Variants in COPE observed in about 807,000 individuals in gnomAD.
The protein encoded by COPE is coatomer subunit epsilon.
A neutral mutation model predicts 42.1 loss-of-function variants in COPE; 19 were observed. The ratio of observed to expected loss-of-function variants is 0.45; its 90% CI spans 0.31 to 0.66. The LOEUF is 0.66. COPE is among the 30% of genes least tolerant of loss of function. The pLI is 0.05. For missense variants in COPE, 402 were observed against 416.1 expected (o/e 0.97, Z 0.30); for synonymous variants, 195 against 181.3 (o/e 1.08, Z -0.60).
chr19:18,904,281 T>C (rs929001010), intron 6 of COPE, among the ~76,000 whole-genome samples: 1 of 152,216 alleles, frequency 6.6e-6, no homozygotes, highest in Non-Finnish European at 1.5e-5. Context: ...CACATTTTAA[T>C]AGGCCCACAC....
chr19:18,905,826 G>T, intron 4 of COPE, 197 bp from the exon 5 acceptor site: 1 of 575,726 alleles, frequency 1.7e-6, no homozygotes. Flanking sequence ...GAGCTCTGGG[G>T]GAGGTACCCA....
At chr19:18,907,220 T>C (rs2145064983) in intron 3 of COPE, 108 bp from the exon 4 acceptor site, 3 of 1,243,396 alleles carry the variant, frequency 2.4e-6, no homozygotes, top group Non-Finnish European at 3.3e-6. Context: ...AGCCAGGCCC[T>C]GGGGGTGCAG....
At chr19:18,918,053 G>A (rs1346556229) in intron 1 of COPE, among the ~76,000 whole-genome samples, 2 of 151,698 alleles carry the variant, frequency 1.3e-5, no homozygotes, top group African/African-American at 2.4e-5. Context: ...GCCGGGCCAT[G>A]GTGGCGCGCG....
At chr19:18,910,342 T>C (rs1265174765) in intron 3 of COPE, among the ~76,000 whole-genome samples, 1 of 152,134 alleles carries the variant, frequency 6.6e-6, no homozygotes, top group Non-Finnish European at 1.5e-5. Flanking sequence ...CTGATAGGAT[T>C]TGGGAGGCTG....
chr19:18,905,554 G>A (rs1253757449), intron 5 of COPE, 22 bp downstream of exon 5: 2 of 1,582,970 alleles, frequency 1.3e-6, no homozygotes, highest in Non-Finnish European at 1.7e-6. Context: ...CAGTGCGGGT[G>A]GAGAGGGGCA....
rs563957402 is a variant in COPE at position 18,902,212 on chromosome 19, G to A, written c.735+1056C>T. Among the ~76,000 whole-genome samples the A allele has an allele frequency of 3.3e-5, 5 of 149,836 alleles. No individual in the cohort carries two copies. In the South Asian group the frequency reaches 8.5e-4, roughly 25 times the overall value. On this transcript the variant is annotated intron_variant, in intron 7 of 9. Transcript: ENST00000262812. ...AAAAAAAAAAAAATCCACCAAGCATGGTGGCTCACACCTATAATCCTAATG... is the reference window on the plus strand; with the variant it reads ...AAAAAAAAAAAAATCCACCAAGCATAGTGGCTCACACCTATAATCCTAATG...
Position 18,911,078 on chromosome 19 carries a change from T to C in COPE, c.190-7A>G, listed in dbSNP as rs746301727. ...GGACCACACCGAACTTCCTCTGCAG[T>C]AGGGACGAGGCGTCAGCTGCACCCG... On this transcript the variant is annotated splice_region_variant and splice_polypyrimidine_tract_variant and intron_variant, in intron 2 of 9. Coordinates refer to ENST00000262812, the MANE Select transcript of COPE (RefSeq NM_007263.4). 1.2e-6 allele frequency: 2 copies of C among 1,609,522 alleles called. No individual in the cohort carries two copies. Among genetic ancestry groups the C allele is most frequent in the Non-Finnish European group, 8.5e-7 (1 of 1,176,128 alleles).
intron 3 of COPE, among the ~76,000 whole-genome samples, chr19:18,908,057 A>G (rs758032): frequency 0.31 from 46,798 of 152,066 alleles, 9,074 homozygotes; most frequent in Middle Eastern, 0.48. Context: ...AAGCTTCCTG[A>G]GGCTCCAGCA....
At chr19:18,903,498 G>C (rs549638184) in intron 6 of COPE, 75 bp from the exon 7 acceptor site, 17 of 1,492,868 alleles carry the variant, frequency 1.1e-5, no homozygotes, top group South Asian at 5.3e-5. Context: ...CTCCCCTAGC[G>C]GGGGGGACTC....
At chr19:18,914,827 G>C (rs2145082471) in intron 1 of COPE, among the ~76,000 whole-genome samples, 1 of 149,332 alleles carries the variant, frequency 6.7e-6, no homozygotes, top group Non-Finnish European at 1.5e-5. Context: ...GTGTATCTCG[G>C]CTCACTACAA....
rs548710001 is a variant in COPE, at chr19:18,914,409, C to T, written c.127-1363G>A. Among the ~76,000 whole-genome samples, 9 of 152,004 alleles carry T rather than the reference C, an allele frequency of 5.9e-5. No individual in the cohort carries two copies. The East Asian group carries it at 9.8e-4, about 16-fold the overall frequency. On this transcript the variant is annotated intron_variant, in intron 1 of 9. Coordinates refer to ENST00000262812, the MANE Select transcript of COPE (RefSeq NM_007263.4). ...TACAAAAATTAGCCAGGTGTGGTGG[C>T]GGGCGCCTATAATCCCAGCTACTCA...
intron 7 of COPE, among the ~76,000 whole-genome samples, chr19:18,902,860 T>C (rs1448866363): frequency 1.3e-5 from 2 of 149,584 alleles, no homozygotes. Context: ...AGGAGATGAC[T>C]GCAGCCACCC....
intron 4 of COPE, 108 bp from the exon 5 acceptor site, chr19:18,905,737 G>T: frequency 1.8e-6 from 2 of 1,133,138 alleles, no homozygotes; most frequent in African/African-American, 3.1e-5. Context: ...TAAGTCCTGT[G>T]CTTAGGACCA....
chr19:18,919,100 G>T, intron 1 of COPE, 123 bp downstream of exon 1: 1 of 955,188 alleles, frequency 1.0e-6, no homozygotes, highest in Non-Finnish European at 1.6e-6. Flanking sequence ...AACTGTGGAA[G>T]AGGTGGCCCA....
At chr19:18,916,713 G>A (rs947677458) in intron 1 of COPE, among the ~76,000 whole-genome samples, 3 of 149,960 alleles carry the variant, frequency 2.0e-5, no homozygotes, top group African/African-American at 7.4e-5. Context: ...GCTTGAACCC[G>A]GGAGGCAGAG....
intron 7 of COPE, among the ~76,000 whole-genome samples, chr19:18,902,829 A>AAGG (rs1568315139): frequency 8.4e-6 from 1 of 118,746 alleles, no homozygotes; most frequent in Non-Finnish European, 1.9e-5. Context: ...AGGAAGGAAG[A>AAGG]AAAGACTGCA....
Position 18,919,227 on chromosome 19 carries a change from A to G in COPE, c.122T>C (p.Val41Ala). 6.2e-7 allele frequency: 1 copy of G among 1,610,794 alleles called. No individual in the cohort carries two copies. Among genetic ancestry groups the G allele is most frequent in the Non-Finnish European group, 8.5e-7 (1 of 1,178,474 alleles). Reference sequence around the variant, plus strand: ...CGCGCCCCTGCGCGGCCGCACCTTCACCCGCTGCGCCTCGTTTATGCACTG... The same window carrying G: ...CGCGCCCCTGCGCGGCCGCACCTTCGCCCGCTGCGCCTCGTTTATGCACTG... The part of the protein sequence containing the change: ...YQQCINEAQR[V>A]KLSSPERDVE... Residue 41 changes from valine to alanine, a missense_variant, in exon 1 of 10, where the codon GTG (valine) becomes GCG (alanine). By Grantham distance (64) the Val-to-Ala change is moderately conservative. Transcript: ENST00000262812.
chr19:18,904,339 G>A (rs1292171468), intron 6 of COPE, among the ~76,000 whole-genome samples: 1 of 152,256 alleles, frequency 6.6e-6, no homozygotes, highest in Non-Finnish European at 1.5e-5. Flanking sequence ...CAGGAGAGGG[G>A]CTGTTGCCGG....
At position 18,903,199 on chromosome 19, in the gene COPE, C is replaced by T. The variant is rs967606205; in HGVS notation, c.735+69G>A. 16 of 1,446,506 alleles carry T rather than the reference C, an allele frequency of 1.1e-5. No homozygotes were observed. The Admixed American group carries it at 1.4e-4, about 12-fold the overall frequency. The allele number at this position is 1,446,506 out of a possible 1,614,324, so 89.6% of individuals were successfully genotyped here. ...GGTCTCTGCTACACTTGTTTCTGTC[C>T]GCCCTGACCCCACCCTCTGGCCGCC... On this transcript the variant is annotated intron_variant, in intron 7 of 9. Transcript: ENST00000262812.
Sources: gnomAD v4.1 joint callset for allele counts (sites outside exome capture counted in the v4.1 genomes callset) on GRCh38, gnomAD v4.1.1 for gene constraint, MANE v1.5 for transcripts, NCBI Gene and HGNC (gene_info 2026-07-23, HGNC 2026-07-21) for gene names.